The following XKR9 variants were observed in gnomAD, a reference collection of about 807,000 sequenced individuals.
The protein encoded by XKR9 is XK-related protein 9.
A neutral mutation model predicts 32.0 loss-of-function variants in XKR9; 32 were observed. That is an observed-to-expected ratio of 1.00 (90% CI 0.76 to 1.34). XKR9 has a LOEUF of 1.34. XKR9 is among the 40% of genes most tolerant of loss of function. The probability of loss-of-function intolerance (pLI) is 0.00; values close to 1 mark genes in which losing one functional copy is unlikely to be tolerated. For synonymous variants in XKR9, 168 were observed against 143.4 expected (o/e 1.17, Z -1.22); for missense variants, 546 against 429.7 (o/e 1.27, Z -2.39).
At chr8:70,805,951 G>T in the XKR9 span, among the ~76,000 whole-genome samples, 2 of 152,138 alleles carry the variant, frequency 1.3e-5, no homozygotes, top group African/African-American at 4.8e-5. Context: ...ACCAAACTGA[G>T]TGAGACCTTC....
the XKR9 span, among the ~76,000 whole-genome samples, chr8:70,830,496 A>C: frequency 6.6e-6 from 1 of 151,786 alleles, no homozygotes; most frequent in African/African-American, 2.4e-5. Context: ...CTGAGGTGGG[A>C]AGATCACTTG....
At chr8:70,815,662 A>G in the XKR9 span, among the ~76,000 whole-genome samples, 1 of 151,900 alleles carries the variant, frequency 6.6e-6, no homozygotes, top group Non-Finnish European at 1.5e-5. Flanking sequence ...AGTAGCTGGG[A>G]CTACAGGCGC....
the XKR9 span, among the ~76,000 whole-genome samples, chr8:70,799,636 T>C: frequency 2.0e-5 from 3 of 151,918 alleles, no homozygotes; most frequent in African/African-American, 7.2e-5. Flanking sequence ...GAGGCCGAGA[T>C]TGTATTCTTG....
At chr8:70,839,687 T>C in the XKR9 span, among the ~76,000 whole-genome samples, 3 of 152,104 alleles carry the variant, frequency 2.0e-5, no homozygotes, top group Non-Finnish European at 2.9e-5. Context: ...GTTTGTCTAA[T>C]CAACAGAGAA....
At chr8:70,855,063 T>G in the XKR9 span, among the ~76,000 whole-genome samples, 3 of 152,098 alleles carry the variant, frequency 2.0e-5, no homozygotes, top group African/African-American at 2.4e-5. Flanking sequence ...GTGAAGAAAG[T>G]CATTGGTAGC....
chr8:70,743,258 A>T (rs941497791), intron 2 of XKR9, among the ~76,000 whole-genome samples: 4 of 151,868 alleles, frequency 2.6e-5, no homozygotes, highest in Admixed American at 6.6e-5. Flanking sequence ...TATGGTTTCT[A>T]TTTCTTTGCT....
At chr8:70,740,585 A>G (rs548328877), downstream of XKR9, among the ~76,000 whole-genome samples, 2 of 151,076 alleles carry the variant, frequency 1.3e-5, no homozygotes, top group East Asian at 3.9e-4. Flanking sequence ...TTTTTTCCCC[A>G]TCTTTGTGGT....
At chr8:70,852,792 G>A in the XKR9 span, among the ~76,000 whole-genome samples, 1 of 152,026 alleles carries the variant, frequency 6.6e-6, no homozygotes, top group African/African-American at 2.4e-5. Flanking sequence ...AGTGGGAGTT[G>A]AACAATGAGA....
chr8:70,811,957 C>T, the XKR9 span, among the ~76,000 whole-genome samples: 10 of 151,972 alleles, frequency 6.6e-5, no homozygotes, highest in South Asian at 2.1e-4. Context: ...CAGCATCATC[C>T]GGATACCAAA....
chr8:71,054,403 G>C, the XKR9 span, among the ~76,000 whole-genome samples: 1 of 152,062 alleles, frequency 6.6e-6, no homozygotes, highest in African/African-American at 2.4e-5. Flanking sequence ...CAATCCTTTT[G>C]GCCACCATGT....
chr8:70,730,902 C>T (rs545477152), intron 4 of XKR9, among the ~76,000 whole-genome samples: 1 of 152,246 alleles, frequency 6.6e-6, no homozygotes, highest in African/African-American at 2.4e-5. Flanking sequence ...TGATATGAAC[C>T]ATAAAATTAC....
At chr8:71,014,650 G>T in the XKR9 span, among the ~76,000 whole-genome samples, 1 of 152,198 alleles carries the variant, frequency 6.6e-6, no homozygotes, top group African/African-American at 2.4e-5. Flanking sequence ...TTCCAAATAA[G>T]ATCATATACA....
the XKR9 span, among the ~76,000 whole-genome samples, chr8:71,041,647 T>C: frequency 1.3e-5 from 2 of 152,008 alleles, no homozygotes; most frequent in Non-Finnish European, 2.9e-5. Flanking sequence ...ATCATTTGAG[T>C]GGTTTCCTTC....
At chr8:70,995,637 C>T in the XKR9 span, among the ~76,000 whole-genome samples, 1 of 152,104 alleles carries the variant, frequency 6.6e-6, no homozygotes, top group Non-Finnish European at 1.5e-5. Flanking sequence ...AATTTTGTGC[C>T]AGCCAAACTC....
chr8:71,025,129 T>A, the XKR9 span, among the ~76,000 whole-genome samples: 1 of 109,822 alleles, frequency 9.1e-6, no homozygotes, highest in African/African-American at 3.1e-5. Flanking sequence ...TTAAACAATT[T>A]GCTCCAAAGT....
chr8:70,966,246 C>CTTT, the XKR9 span, among the ~76,000 whole-genome samples: 1 of 151,530 alleles, frequency 6.6e-6, no homozygotes, highest in Non-Finnish European at 1.5e-5. Flanking sequence ...TCTTTCTTTC[C>CTTT]TTTTTTCTTT....
At chr8:70,808,308 G>C in the XKR9 span, among the ~76,000 whole-genome samples, 34 of 152,148 alleles carry the variant, frequency 2.2e-4, no homozygotes, top group Non-Finnish European at 2.5e-4. Flanking sequence ...GCCCACATCA[G>C]AAAGCTAAAA....
At chr8:70,712,890 A>G (rs1329083934) in intron 4 of XKR9, among the ~76,000 whole-genome samples, 1 of 152,150 alleles carries the variant, frequency 6.6e-6, no homozygotes, top group Non-Finnish European at 1.5e-5. Flanking sequence ...AAAAGTTTTC[A>G]ATGGAAAACA....
At chr8:70,833,833 C>G in the XKR9 span, among the ~76,000 whole-genome samples, 1 of 152,076 alleles carries the variant, frequency 6.6e-6, no homozygotes, top group Non-Finnish European at 1.5e-5. Context: ...ATGTTTGGTG[C>G]CCCTCCAAAA....
Sources: gnomAD v4.1 joint callset for allele counts (sites outside exome capture counted in the v4.1 genomes callset) on GRCh38, gnomAD v4.1.1 for gene constraint, MANE v1.5 for transcripts, NCBI Gene and HGNC (gene_info 2026-07-23, HGNC 2026-07-21) for gene names.